Variants in RABGAP1L observed in about 807,000 individuals in gnomAD.
RABGAP1L encodes the protein RAB GTPase activating protein 1 like.
RABGAP1L carries 63 observed loss-of-function variants against 137.7 expected under a neutral mutation model. The observed-to-expected ratio is 0.46, with a 90% CI of 0.37 to 0.56. RABGAP1L has a LOEUF of 0.56. Ranked by LOEUF, RABGAP1L falls within the 20% of genes least tolerant of loss-of-function variation. The pLI is 0.00. For synonymous variants in RABGAP1L, 431 were observed against 433.7 expected, an observed-to-expected ratio of 0.99 and a Z score of 0.08; for missense variants, 1,095 against 1,244.0, an observed-to-expected ratio of 0.88 and a Z score of 1.80.
At chr1:174,197,946 G>A (rs1450751038) in intron 1 of RABGAP1L, among the ~76,000 whole-genome samples, 1 of 152,100 alleles carries the variant, frequency 6.6e-6, no homozygotes, top group Non-Finnish European at 1.5e-5. Flanking sequence ...TACAGAAGAT[G>A]GACCCAATAA....
intron 13 of RABGAP1L, among the ~76,000 whole-genome samples, chr1:174,432,660 C>T (rs1652780978): frequency 6.6e-6 from 1 of 152,156 alleles, no homozygotes; most frequent in Admixed American, 6.5e-5. Flanking sequence ...GCCTCAGCCT[C>T]CTGAGTAGCT....
intron 17 of RABGAP1L, among the ~76,000 whole-genome samples, chr1:174,742,375 A>C (rs1683516000): frequency 6.6e-6 from 1 of 151,294 alleles, no homozygotes; most frequent in Non-Finnish European, 1.5e-5. Context: ...AAATTAGTTG[A>C]GTGTAGTGGC....
intron 19 of RABGAP1L, among the ~76,000 whole-genome samples, chr1:174,825,805 C>T (rs938137208): frequency 2.6e-5 from 4 of 152,186 alleles, no homozygotes; most frequent in African/African-American, 9.6e-5. Flanking sequence ...GCAGGAGAAT[C>T]GCTTGAACCC....
At chr1:174,259,729 G>T (rs1673419758) in intron 7 of RABGAP1L, among the ~76,000 whole-genome samples, 2 of 151,986 alleles carry the variant, frequency 1.3e-5, no homozygotes, top group African/African-American at 4.8e-5. Flanking sequence ...TTAATAACTG[G>T]ATATAAAAGA....
intron 1 of RABGAP1L, among the ~76,000 whole-genome samples, chr1:174,204,482 G>A (rs1216477461): frequency 6.6e-6 from 1 of 152,166 alleles, no homozygotes; most frequent in Non-Finnish European, 1.5e-5. Context: ...TCCTTGTGTT[G>A]TGCCGGTTTT....
chr1:174,675,672 C>A (rs1331825347), intron 14 of RABGAP1L, among the ~76,000 whole-genome samples: 4 of 152,020 alleles, frequency 2.6e-5, no homozygotes, highest in African/African-American at 4.8e-5. Flanking sequence ...CTATAAATTA[C>A]CTTGGGTTTT....
At chr1:174,261,820 G>A (rs140002796) in intron 7 of RABGAP1L, among the ~76,000 whole-genome samples, 1 of 152,092 alleles carries the variant, frequency 6.6e-6, no homozygotes, top group Non-Finnish European at 1.5e-5. Context: ...GTCTGATTTG[G>A]ATGTTTTATT....
intron 18 of RABGAP1L, among the ~76,000 whole-genome samples, chr1:174,780,899 C>A (rs1004091373): frequency 3.3e-5 from 5 of 151,454 alleles, no homozygotes; most frequent in African/African-American, 1.2e-4. Flanking sequence ...AGGACATGAA[C>A]TCATCCTTTT....
chr1:174,370,346 G>A (rs982293256), intron 11 of RABGAP1L, among the ~76,000 whole-genome samples: 5 of 151,542 alleles, frequency 3.3e-5, no homozygotes, highest in African/African-American at 4.8e-5. Flanking sequence ...TTTCACCACC[G>A]ATTATAAACT....
At chr1:174,440,534 A>G (rs1012999641) in intron 13 of RABGAP1L, among the ~76,000 whole-genome samples, 2 of 152,140 alleles carry the variant, frequency 1.3e-5, no homozygotes, top group African/African-American at 4.8e-5. Context: ...TTTTAAATTT[A>G]TTGAAGGACA....
intron 1 of RABGAP1L, among the ~76,000 whole-genome samples, chr1:174,202,029 T>C (rs1342124530): frequency 1.3e-5 from 2 of 152,076 alleles, no homozygotes; most frequent in Non-Finnish European, 2.9e-5. Context: ...ATGTGCCACA[T>C]TTTCTTAACC....
At chr1:174,778,028 C>G (rs1180703496) in intron 18 of RABGAP1L, among the ~76,000 whole-genome samples, 3 of 151,908 alleles carry the variant, frequency 2.0e-5, no homozygotes, top group South Asian at 2.1e-4. Context: ...GAAAATTTTT[C>G]CAAATTTGAT....
chr1:174,179,661 C>T (rs541954827), intron 1 of RABGAP1L, among the ~76,000 whole-genome samples: 196 of 152,052 alleles, frequency 1.3e-3, no homozygotes, highest in African/African-American at 4.5e-3. Context: ...GTTAAGACAC[C>T]AGCAATCTTA....
At chr1:174,823,646 A>G (rs1458151987) in intron 19 of RABGAP1L, among the ~76,000 whole-genome samples, 1 of 152,254 alleles carries the variant, frequency 6.6e-6, no homozygotes, top group Non-Finnish European at 1.5e-5. Context: ...TATAGTATTC[A>G]GTAGCACATC....
chr1:174,331,292 A>T (rs1681006924), intron 11 of RABGAP1L, among the ~76,000 whole-genome samples: 1 of 152,348 alleles, frequency 6.6e-6, no homozygotes, highest in African/African-American at 2.4e-5. Flanking sequence ...TTTATTTTAG[A>T]CAAGACCTCA....
intron 13 of RABGAP1L, among the ~76,000 whole-genome samples, chr1:174,487,485 C>G (rs1256969203): frequency 6.6e-6 from 1 of 152,048 alleles, no homozygotes; most frequent in South Asian, 2.1e-4. Context: ...ATATCTTTTT[C>G]CATTCCTTTG....
intron 19 of RABGAP1L, among the ~76,000 whole-genome samples, chr1:174,952,313 G>A (rs530583862): frequency 8.0e-6 from 1 of 124,596 alleles, no homozygotes; most frequent in Non-Finnish European, 1.6e-5. Flanking sequence ...ACCAGCCTGG[G>A]CAACATAGTG....
intron 17 of RABGAP1L, among the ~76,000 whole-genome samples, chr1:174,732,503 A>G (rs2148625859): frequency 6.6e-6 from 1 of 152,288 alleles, no homozygotes; most frequent in South Asian, 2.1e-4. Context: ...TTTATAGGTG[A>G]ACAAACGAAT....
chr1:174,935,560 C>T (rs1664632926), intron 19 of RABGAP1L: 1 of 152,132 alleles, frequency 6.6e-6, no homozygotes, highest in Admixed American at 6.6e-5. Flanking sequence ...ACATAGTAGA[C>T]TTTTTAATTT....
Sources: gnomAD v4.1 joint callset for allele counts (sites outside exome capture counted in the v4.1 genomes callset) on GRCh38, gnomAD v4.1.1 for gene constraint, MANE v1.5 for transcripts, NCBI Gene and HGNC (gene_info 2026-07-23, HGNC 2026-07-21) for gene names.